MGA: variants seen among roughly 807,000 people sequenced by gnomAD.
MGA encodes MAX gene-associated protein.
MGA carries 40 observed loss-of-function variants against 261.1 expected under a neutral mutation model. The ratio of observed to expected loss-of-function variants is 0.15; its 90% CI spans 0.12 to 0.20. MGA has a LOEUF of 0.20. MGA is among the 10% of genes least tolerant of loss of function. MGA has a pLI of 1.00. For synonymous variants in MGA, 1,302 were observed against 1,290.6 expected, an observed-to-expected ratio of 1.01 and a Z score of -0.19; for missense variants, 3,397 against 3,630.5, an observed-to-expected ratio of 0.94 and a Z score of 1.65.
At chr15:41,732,349 C>G (rs1031547472) in intron 11 of MGA, among the ~76,000 whole-genome samples, 1 of 152,092 alleles carries the variant, frequency 6.6e-6, no homozygotes, top group African/African-American at 2.4e-5. Flanking sequence ...GGGGTTTCAC[C>G]ATGTTAGCCA....
At position 41,643,461 on chromosome 15, in the gene MGA, C is replaced by T. The variant is rs529080718; in HGVS notation, c.-68+22163C>T. On this transcript the variant is annotated intron_variant, in intron 1 of 8. Coordinates refer to the MGA transcript ENST00000566718. ...TTCACTGTGTTAGCCAGGATGGTCT[C>T]GATTTCCTGACCTTGTGATCTGCCT... 1.9e-4 allele frequency among the ~76,000 whole-genome samples: 29 copies of T among 148,776 alleles called. No homozygotes were observed. In the East Asian group the frequency reaches 5.6e-3, roughly 28 times the overall value.
chr15:41,683,632 G>A (rs2058791275), intron 2 of MGA, among the ~76,000 whole-genome samples: 1 of 146,184 alleles, frequency 6.8e-6, no homozygotes, highest in Non-Finnish European at 1.5e-5. Flanking sequence ...AGGCTGGAGT[G>A]CAGTGGCGCG....
rs748644519 is a variant in MGA, at chr15:41,669,531, G to A, written c.637G>A (p.Val213Met). 2 of 1,614,034 alleles carry A rather than the reference G, an allele frequency of 1.2e-6. No homozygotes were observed. The highest frequency in any genetic ancestry group is 2.2e-5 in the East Asian group (1 of 44,888). ...TCATTTGGTGCCTGCAGAAAAGGCT[G>A]TGGAGGTGATACAATTAAATGGCCC... Residue 213 changes from valine to methionine, a missense_variant, in exon 2 of 24, where the codon GTG becomes ATG. This residue lies in a region of MGA where 104 missense variants were observed against 212.9 expected (regional missense o/e 0.49). Transcript: ENST00000219905.
intron 8 of MGA, among the ~76,000 whole-genome samples, chr15:41,712,221 A>G (rs2060420364): frequency 1.3e-5 from 2 of 151,968 alleles, no homozygotes; most frequent in Admixed American, 1.3e-4. Context: ...ATGATGCCAC[A>G]GCACATTTAT....
chr15:41,718,422 C>T (rs36115490), intron 9 of MGA: 44,618 of 1,266,514 alleles, frequency 0.035, 1,246 homozygotes, highest in South Asian at 0.049. Flanking sequence ...AAACACAGAT[C>T]GCAGGTAGCC....
At chr15:41,765,927 A>G (rs1449714253) in intron 23 of MGA, 77 bp from the exon 24 acceptor site, 3 of 1,192,988 alleles carry the variant, frequency 2.5e-6, no homozygotes, top group Non-Finnish European at 3.6e-6. Context: ...AGATGGTTAT[A>G]TGATATGACA....
intron 16 of MGA, 58 bp downstream of exon 16, chr15:41,748,985 G>A (rs2062676271): frequency 7.0e-6 from 11 of 1,568,406 alleles, no homozygotes; most frequent in Non-Finnish European, 8.6e-6. Context: ...CATATGGTAT[G>A]TTAATACACC....
chr15:41,727,859 G>C lies in MGA; in HGVS notation c.3657+453G>C, dbSNP rs1488689978. 2.9e-4 allele frequency among the ~76,000 whole-genome samples: 44 copies of C among 152,266 alleles called. 1 individual carries two copies. Among genetic ancestry groups the C allele is most frequent in the Admixed American group, 2.2e-3 (34 of 15,288 alleles). On this transcript the variant is annotated intron_variant, in intron 10 of 23. Coordinates refer to ENST00000219905, the MANE Select transcript of MGA (RefSeq NM_001164273.2). ...GTTGATATAATATGACTGAAGACTG[G>C]TAGGTAAAAGTAGGAAGTTATTCAT...
At chr15:41,723,901 A>G (rs1402123910) in intron 9 of MGA, among the ~76,000 whole-genome samples, 1 of 151,498 alleles carries the variant, frequency 6.6e-6, no homozygotes, top group Non-Finnish European at 1.5e-5. Context: ...AAATTTTAAA[A>G]TTGTCTTTGA....
intron 2 of MGA, among the ~76,000 whole-genome samples, chr15:41,686,294 C>G (rs540339013): frequency 1.9e-4 from 29 of 152,234 alleles, no homozygotes; most frequent in African/African-American, 7.0e-4. Flanking sequence ...AGGAGGATCA[C>G]TTGAGCCCAG....
chr15:41,629,543 A>G (rs972271966), intron 1 of MGA, among the ~76,000 whole-genome samples: 2 of 152,094 alleles, frequency 1.3e-5, no homozygotes, highest in Admixed American at 1.3e-4. Flanking sequence ...AGCCTCTGCA[A>G]CATAGTGAGA....
upstream of MGA, among the ~76,000 whole-genome samples, chr15:41,657,909 T>C (rs1415491754): frequency 6.6e-6 from 1 of 152,190 alleles, no homozygotes; most frequent in Non-Finnish European, 1.5e-5. Context: ...GAAGTTTGTC[T>C]TGGTGGATTC....
At chr15:41,702,502 T>G (rs1276708520) in intron 5 of MGA, among the ~76,000 whole-genome samples, 7 of 152,204 alleles carry the variant, frequency 4.6e-5, no homozygotes, top group African/African-American at 1.7e-4. Context: ...AATGTCATAT[T>G]TCCTTGTCCT....
rs1380064107 is a variant in MGA at position 41,677,752 on chromosome 15, C to T, written c.1064+7794C>T. On this transcript the variant is annotated intron_variant, in intron 2 of 23. Coordinates refer to ENST00000219905, the MANE Select transcript of MGA (RefSeq NM_001164273.2). Reference sequence around the variant, plus strand: ...ATTTGTATAAGGAGAAATGTTTATTCAAGTGCTTTGCCCATTTAAAAATTG... The same window carrying T: ...ATTTGTATAAGGAGAAATGTTTATTTAAGTGCTTTGCCCATTTAAAAATTG... 2.6e-5 allele frequency among the ~76,000 whole-genome samples: 4 copies of T among 152,104 alleles called. No individual in the cohort carries two copies. In the East Asian group the frequency reaches 7.7e-4, roughly 29 times the overall value.
At chr15:41,735,315 C>T (rs2061712210) in intron 12 of MGA, among the ~76,000 whole-genome samples, 1 of 152,150 alleles carries the variant, frequency 6.6e-6, no homozygotes, top group Middle Eastern at 3.4e-3. Flanking sequence ...CAACATGTTG[C>T]CATGGAAAGA....
intron 9 of MGA, among the ~76,000 whole-genome samples, chr15:41,723,033 A>G (rs2061034281): frequency 1.3e-5 from 2 of 152,194 alleles, no homozygotes; most frequent in African/African-American, 4.8e-5. Context: ...GACTTGGGTA[A>G]TATATATTAG....
At chr15:41,714,823 T>G (rs2060546823) in intron 9 of MGA, among the ~76,000 whole-genome samples, 1 of 152,244 alleles carries the variant, frequency 6.6e-6, no homozygotes, top group African/African-American at 2.4e-5. Flanking sequence ...CTGAATATTT[T>G]ACAACTTTTA....
intron 1 of MGA, among the ~76,000 whole-genome samples, chr15:41,624,541 G>A (rs866471200): frequency 6.6e-6 from 1 of 152,070 alleles, no homozygotes; most frequent in African/African-American, 2.4e-5. Flanking sequence ...CACTATATTG[G>A]CCAGGCTGGT....
At chr15:41,635,749 A>G (rs1025854925) in intron 1 of MGA, among the ~76,000 whole-genome samples, 1 of 152,176 alleles carries the variant, frequency 6.6e-6, no homozygotes, top group Non-Finnish European at 1.5e-5. Context: ...TTCATGTGCC[A>G]CATAATGATA....
Sources: gnomAD v4.1 joint callset for allele counts (sites outside exome capture counted in the v4.1 genomes callset) on GRCh38, gnomAD v4.1.1 for gene constraint, gnomAD v4.1.1 regional missense constraint, MANE v1.5 for transcripts, NCBI Gene and HGNC (gene_info 2026-07-23, HGNC 2026-07-21) for gene names.